The following UTP20 variants were observed in gnomAD, a reference collection of about 807,000 sequenced individuals.
The protein encoded by UTP20 is UTP20 small subunit processome component.
UTP20 carries 164 observed loss-of-function variants against 329.5 expected under a neutral mutation model. The observed-to-expected ratio is 0.50, with a 90% CI of 0.44 to 0.57. The LOEUF (loss-of-function observed/expected upper bound fraction) is 0.57, where lower values mean the gene tolerates loss of function less well. UTP20 is among the 20% of genes least tolerant of loss of function. The pLI is 0.00. For synonymous variants in UTP20, 1,151 were observed against 1,159.3 expected (o/e 0.99, Z 0.14); for missense variants, 3,055 against 3,284.2 (o/e 0.93, Z 1.71).
At chr12:101,376,372 T>C (rs984722309) in intron 56 of UTP20, among the ~76,000 whole-genome samples, 1 of 152,206 alleles carries the variant, frequency 6.6e-6, no homozygotes, top group African/African-American at 2.4e-5. Flanking sequence ...TTCTGAGAAA[T>C]ATATTGTTAT....
intron 20 of UTP20, 29 bp downstream of exon 20, chr12:101,311,827 G>C (rs748931253): frequency 1.6e-5 from 25 of 1,588,696 alleles, no homozygotes; most frequent in Non-Finnish European, 2.1e-5. Flanking sequence ...AGGAAGCTGC[G>C]AAGAAAAGTG....
At chr12:101,365,697 T>C (rs1210745053) in intron 46 of UTP20, 72 bp downstream of exon 46, 20 of 1,298,250 alleles carry the variant, frequency 1.5e-5, no homozygotes, top group Non-Finnish European at 2.0e-5. Context: ...GTTGTTTTAA[T>C]AATTTGCTTT....
In UTP20 at chr12:101,302,468, C is replaced by G. The variant is rs1040408893; in HGVS notation, c.1696C>G (p.Gln566Glu). Reference protein sequence around the residue: ...FGKGNLFVLCQAVNTLLSLEE... With the variant: ...FGKGNLFVLCEAVNTLLSLEE... ...CTTAGGAAACTTATTTGTTCTTTGT[C>G]AAGCTGTAAATACTCTACTAAGTTT... is the stretch of plus-strand genomic sequence containing the variant. Residue 566 changes from glutamine (Q) to glutamate (E), a missense_variant, in exon 15 of 62, where the codon CAA becomes GAA. This residue lies in a region of UTP20 where 2,445 missense variants were observed against 2,575.5 expected (regional missense o/e 0.95). Transcript: ENST00000261637. 5.6e-6 allele frequency: 9 copies of G among 1,606,856 alleles called. No individual in the cohort carries two copies. The highest frequency in any genetic ancestry group is 7.6e-6 in the Non-Finnish European group (9 of 1,177,920).
intron 43 of UTP20, among the ~76,000 whole-genome samples, chr12:101,357,519 G>T (rs1869762118): frequency 6.6e-6 from 1 of 152,206 alleles, no homozygotes; most frequent in Non-Finnish European, 1.5e-5. Context: ...AGGAGGCCAA[G>T]ACGGGAGGAT....
rs3199856 is a variant in UTP20 at position 101,386,491 on chromosome 12, C to T, written c.*368C>T. 31,330 of 162,938 alleles carry T rather than the reference C, an allele frequency of 0.19. 3,492 individuals carry two copies. Among genetic ancestry groups the T allele is most frequent in the East Asian group, 0.38 (2,224 of 5,890 alleles). 10.1% of individuals were successfully genotyped at this position (162,938 alleles called of 1,614,324 possible). On this transcript the variant is annotated 3_prime_UTR_variant, in exon 62 of 62. Coordinates refer to ENST00000261637, the MANE Select transcript of UTP20 (RefSeq NM_014503.3). ...TCGGCCTCCCAAAGTGCTGGGATTA[C>T]AGGTGTGAGCCACCCTGCTCAACCA... is the stretch of plus-strand genomic sequence containing the variant.
intron 54 of UTP20, among the ~76,000 whole-genome samples, chr12:101,374,096 G>C (rs557111035): frequency 1.3e-5 from 2 of 150,634 alleles, no homozygotes; most frequent in Admixed American, 1.3e-4. Context: ...TTAGCCGGGC[G>C]TAGTGGCGGG....
chr12:101,285,110 C>T (rs1871917066), intron 2 of UTP20, among the ~76,000 whole-genome samples: 1 of 152,106 alleles, frequency 6.6e-6, no homozygotes, highest in South Asian at 2.1e-4. Flanking sequence ...GAATAAACAT[C>T]TTTTACTTAA....
At position 101,329,108 on chromosome 12, in the gene UTP20, T is replaced by A. The variant is rs1868666702; in HGVS notation, c.3209-133T>A. 9.0e-6 allele frequency: 7 copies of A among 774,940 alleles called. No individual in the cohort carries two copies. The South Asian group carries it at 1.3e-4, about 15-fold the overall frequency. The allele number at this position is 774,940 out of a possible 1,614,324, so 48.0% of individuals were successfully genotyped here. A position where few individuals can be genotyped will look rare whatever the true frequency, so the allele number is the denominator to read the frequency against. ...GGAGATAATACATAAGAAAAGTGCA[T>A]TGTCATCTATAAATTACCATGACAG... On this transcript the variant is annotated intron_variant, in intron 26 of 61. Coordinates refer to ENST00000261637, the MANE Select transcript of UTP20 (RefSeq NM_014503.3).
intron 33 of UTP20, 45 bp downstream of exon 33, chr12:101,342,634 T>C (rs1322064837): frequency 6.4e-7 from 1 of 1,574,156 alleles, no homozygotes; most frequent in East Asian, 2.2e-5. Flanking sequence ...TTTAAAAAAA[T>C]GTAATTATGA....
In UTP20 at chr12:101,312,042, A is replaced by T. The variant is rs753248883; in HGVS notation, c.2318A>T (p.Glu773Val). Residue 773 changes from glutamate to valine, a missense_variant, in exon 21 of 62, where the codon GAA (glutamate) becomes GTA (valine). Transcript: ENST00000261637. ...ACAACTTTCTTTCTTGCAGAGAAGG[A>T]ACTACAGAATGATATGACAGATGAG... ...LEKAATHAEK[E>V]LQNDMTDEKS... The T allele has an allele frequency of 1.2e-6, 2 of 1,614,242 alleles. No individual in the cohort carries two copies. The highest frequency in any genetic ancestry group is 3.3e-5 in the Admixed American group (2 of 60,026).
Position 101,355,168 on chromosome 12 carries a change from G to A in UTP20, c.5394+50G>A, listed in dbSNP as rs757687225. On this transcript the variant is annotated intron_variant, in intron 41 of 61. Transcript: ENST00000261637. ...CAGGTCTGTGTGAATTCTGGTGTTG[G>A]TGGAGCCCTGTCACACTGAGGCTCT... 3 of 1,569,526 alleles carry A rather than the reference G, an allele frequency of 1.9e-6. No individual in the cohort carries two copies. In the Admixed American group the frequency reaches 5.4e-5, roughly 28 times the overall value.
intron 5 of UTP20, among the ~76,000 whole-genome samples, chr12:101,287,956 G>A (rs1457383656): frequency 5.3e-5 from 8 of 152,206 alleles, no homozygotes; most frequent in Admixed American, 5.2e-4. Flanking sequence ...CAGAGAAGCA[G>A]TAGTAAGGCG....
At chr12:101,306,440 T>C (rs776521694) in intron 16 of UTP20, among the ~76,000 whole-genome samples, 7 of 152,212 alleles carry the variant, frequency 4.6e-5, no homozygotes, top group Non-Finnish European at 8.8e-5. Context: ...ATTGACAACT[T>C]AATCAACTTC....
chr12:101,356,984 G>A lies in UTP20; in HGVS notation c.5593G>A (p.Ala1865Thr). The change falls in exon 43 of 62, where the codon GCA becomes ACA. Residue 1865 changes from alanine to threonine, a missense_variant. By Grantham distance (58) the Ala-to-Thr change is moderately conservative (BLOSUM62 0). Around this residue, in one of 3 missense-constraint regions of UTP20, gnomAD observed 2,445 missense variants for 2,575.5 expected, o/e 0.95. Transcript: ENST00000261637. ...KNRAQEIRDI[A>T]RSTLAKIIED... ...CAGAGCCCAAGAAATCAGAGACATT[G>A]CACGCAGCACTCTTGCGAAAATAAT... 1 of 1,614,066 alleles carries A rather than the reference G, an allele frequency of 6.2e-7. No individual in the cohort carries two copies. The highest frequency in any genetic ancestry group is 8.5e-7 in the Non-Finnish European group (1 of 1,179,988).
chr12:101,324,062 G>A (rs867137077), intron 25 of UTP20, among the ~76,000 whole-genome samples: 23 of 151,872 alleles, frequency 1.5e-4, no homozygotes, highest in South Asian at 4.2e-4. Context: ...ACTTGAACCC[G>A]GGAGGTGGAG....
chr12:101,295,479 G>T lies in UTP20; in HGVS notation c.1252-1G>T. 8 of 1,555,844 alleles carry T rather than the reference G, an allele frequency of 5.1e-6. No individual in the cohort carries two copies. The highest frequency in any genetic ancestry group is 1.4e-5 in the African/African-American group (1 of 72,990). On this transcript the variant is annotated splice_acceptor_variant, in intron 11 of 61. Transcript: ENST00000261637. LOFTEE classifies it high-confidence loss of function. ...TGTGATTTTTTTTTTCTTAACTTTAGCTTTTTCTACCAAGCTTTCTGTCAT... is the reference window on the plus strand; with the variant it reads ...TGTGATTTTTTTTTTCTTAACTTTATCTTTTTCTACCAAGCTTTCTGTCAT...
chr12:101,359,775 T>G (rs923554480), intron 43 of UTP20, among the ~76,000 whole-genome samples: 1 of 152,212 alleles, frequency 6.6e-6, no homozygotes, highest in Non-Finnish European at 1.5e-5. Context: ...CACTCTGCCA[T>G]GTGCCTCCTG....
intron 17 of UTP20, 32 bp from the exon 18 acceptor site, chr12:101,308,153 G>T: frequency 1.4e-6 from 2 of 1,478,776 alleles, no homozygotes; most frequent in Non-Finnish European, 9.0e-7. Flanking sequence ...AATACTGACT[G>T]GTCTTCTCCA....
At chr12:101,341,626 G>T (rs1869138515) in intron 32 of UTP20, among the ~76,000 whole-genome samples, 1 of 152,156 alleles carries the variant, frequency 6.6e-6, no homozygotes, top group Non-Finnish European at 1.5e-5. Flanking sequence ...ACTTTAACTG[G>T]CAGGGCACAG....
Sources: allele counts gnomAD v4.1 joint callset (sites outside exome capture counted in the v4.1 genomes callset), GRCh38; gene constraint gnomAD v4.1.1; regional missense constraint gnomAD v4.1.1; transcripts MANE v1.5; gene names NCBI Gene and HGNC (gene_info 2026-07-23, HGNC 2026-07-21).